TBL1XR1: variants seen among roughly 807,000 people sequenced by gnomAD.
The protein encoded by TBL1XR1 is F-box-like/WD repeat-containing protein TBL1XR1.
A neutral mutation model predicts 66.9 loss-of-function variants in TBL1XR1; 5 were observed. That is an observed-to-expected ratio of 0.07 (90% CI 0.04 to 0.16). TBL1XR1 has a LOEUF of 0.16. Ranked by LOEUF, TBL1XR1 falls within the 10% of genes least tolerant of loss-of-function variation. The pLI, the probability that TBL1XR1 is intolerant of heterozygous loss-of-function variation, is 1.00. For synonymous variants in TBL1XR1, 210 were observed against 206.0 expected, an observed-to-expected ratio of 1.02 and a Z score of -0.17; for missense variants, 238 against 623.2, an observed-to-expected ratio of 0.38 and a Z score of 6.58.
At chr3:177,131,118 G>A (rs1036529502) in intron 1 of TBL1XR1, among the ~76,000 whole-genome samples, 1 of 152,210 alleles carries the variant, frequency 6.6e-6, no homozygotes, top group African/African-American at 2.4e-5. Context: ...TCCATGTCAA[G>A]CACAATGGCA....
rs1716934005 is a variant in TBL1XR1 at position 177,050,624 on chromosome 3, C to A, written c.428-14G>T. The A allele has an allele frequency of 1.2e-6, 2 of 1,613,190 alleles. No homozygotes were observed. Among genetic ancestry groups the A allele is most frequent in the East Asian group, 4.5e-5 (2 of 44,840 alleles). On this transcript the variant is annotated splice_polypyrimidine_tract_variant and intron_variant, in intron 5 of 15. Transcript: ENST00000457928. ...CAGTATGATTATCTGCATCGTGAAA[C>A]ACAAGTAAGCATTTCCAGTTAGGCA... is the stretch of plus-strand genomic sequence containing the variant.
Position 177,032,991 on chromosome 3 carries a change from C to T in TBL1XR1, c.1396G>A (p.Val466Ile). Reference sequence around the variant, plus strand: ...CATACCTGCGTGTTCCAGATGTGTACACATTTGTCAAAAGAACCACTTGCC... The same window carrying T: ...CATACCTGCGTGTTCCAGATGTGTATACATTTGTCAAAAGAACCACTTGCC... ...YLASGSFDKC[V>I]HIWNTQTGAL... Residue 466 changes from valine (V) to isoleucine (I), a missense_variant, in exon 14 of 16, where the codon GTA becomes ATA. Around this residue, in one of 8 missense-constraint regions of TBL1XR1, gnomAD observed 26 missense variants for 35.1 expected, o/e 0.74. Transcript: ENST00000457928. 1 of 1,603,556 alleles carries T rather than the reference C, an allele frequency of 6.2e-7. No individual in the cohort carries two copies.
intron 1 of TBL1XR1, among the ~76,000 whole-genome samples, chr3:177,128,504 G>C (rs1036827254): frequency 6.6e-6 from 1 of 152,086 alleles, no homozygotes; most frequent in Non-Finnish European, 1.5e-5. Context: ...CCCCCAAGTA[G>C]CTAGGACAAC....
chr3:177,098,455 G>A lies in TBL1XR1; in HGVS notation c.-46+11C>T. 2.0e-6 allele frequency: 2 copies of A among 984,266 alleles called. No individual in the cohort carries two copies. The highest frequency in any genetic ancestry group is 2.4e-6 in the Non-Finnish European group (2 of 828,532). 61.0% of individuals were successfully genotyped at this position (984,266 alleles called of 1,614,324 possible). ...TAAGAAACACTGACATTGGGAGTTG[G>A]AGAGTCTTACCATTGGCAGTGCATT... is the stretch of plus-strand genomic sequence containing the variant. On this transcript the variant is annotated intron_variant, in intron 2 of 15. Transcript: ENST00000457928.
intron 2 of TBL1XR1, among the ~76,000 whole-genome samples, chr3:177,073,191 G>A (rs1460810332): frequency 1.3e-5 from 2 of 152,274 alleles, no homozygotes; most frequent in Non-Finnish European, 1.5e-5. Flanking sequence ...AATTAAGATT[G>A]TAACAAGATC....
chr3:177,104,562 TG>T (rs1401798517), intron 1 of TBL1XR1, among the ~76,000 whole-genome samples: 21 of 152,340 alleles, frequency 1.4e-4, no homozygotes, highest in Non-Finnish European at 2.5e-4. Context: ...TAAGTGACTC[TG>T]AGATCAGACT....
chr3:177,150,279 A>C (rs1046275743), intron 1 of TBL1XR1, among the ~76,000 whole-genome samples: 2 of 152,244 alleles, frequency 1.3e-5, no homozygotes, highest in African/African-American at 4.8e-5. Flanking sequence ...ATGGTATTCA[A>C]GAATACAACA....
intron 2 of TBL1XR1, among the ~76,000 whole-genome samples, chr3:177,069,749 AGAAAG>A (rs1193463208): frequency 6.8e-6 from 1 of 146,526 alleles, no homozygotes. Flanking sequence ...AAGAAAAGAA[AGAAAG>A]GAAAGGAAAG....
At position 177,020,159 on chromosome 3, in the gene TBL1XR1, A is replaced by T. The variant is rs1374551549; in HGVS notation, c.*5339T>A. On this transcript the variant is annotated 3_prime_UTR_variant, in exon 16 of 16. Transcript: ENST00000457928. ...ACTATAATTGGCTTGTTGTGAAGCAAAAAAAGGTCACCGAGAAGTTGAGCC... is the reference window on the plus strand; with the variant it reads ...ACTATAATTGGCTTGTTGTGAAGCATAAAAAGGTCACCGAGAAGTTGAGCC... 1 of 152,024 alleles carries T rather than the reference A, an allele frequency of 6.6e-6. No individual in the cohort carries two copies. The highest frequency in any genetic ancestry group is 1.5e-5 in the Non-Finnish European group (1 of 67,986). 9.4% of individuals were successfully genotyped at this position (152,024 alleles called of 1,614,324 possible).
Position 177,035,588 on chromosome 3 carries a change from AT to A in TBL1XR1, c.1123-1264del, listed in dbSNP as rs1419300503. Reference sequence around the variant, plus strand: ...GCCGCCACGCTCGGCTAAATTTGGTATATTTAGCAGAGATGGGGTTTCACCA... The same window carrying A: ...GCCGCCACGCTCGGCTAAATTTGGTAATTTAGCAGAGATGGGGTTTCACCA... On this transcript the variant is annotated intron_variant, in intron 12 of 15. Transcript: ENST00000457928. Among the ~76,000 whole-genome samples, 3 of 152,110 alleles carry A rather than the reference AT, an allele frequency of 2.0e-5. No individual in the cohort carries two copies. The East Asian group carries it at 5.8e-4, about 29-fold the overall frequency.
At chr3:177,130,939 T>C (rs1728219176) in intron 1 of TBL1XR1, among the ~76,000 whole-genome samples, 2 of 152,136 alleles carry the variant, frequency 1.3e-5, no homozygotes, top group Admixed American at 6.5e-5. Flanking sequence ...GTTAAGAGGA[T>C]TGTTTGAGAC....
At chr3:177,115,009 A>AATG (rs1297707657) in intron 1 of TBL1XR1, among the ~76,000 whole-genome samples, 9 of 151,330 alleles carry the variant, frequency 5.9e-5, no homozygotes, top group African/African-American at 1.2e-4. Context: ...TAATAATAAT[A>AATG]ATGATTTTTA....
At chr3:177,120,133 C>G (rs1337051476) in intron 1 of TBL1XR1, among the ~76,000 whole-genome samples, 4 of 152,162 alleles carry the variant, frequency 2.6e-5, no homozygotes, top group African/African-American at 9.7e-5. Context: ...CTTCTCATTA[C>G]TTTCCAACAT....
At chr3:177,143,774 GAT>G (rs1729908998) in intron 1 of TBL1XR1, among the ~76,000 whole-genome samples, 1 of 152,200 alleles carries the variant, frequency 6.6e-6, no homozygotes, top group Admixed American at 6.5e-5. Flanking sequence ...ATGGGTCTCT[GAT>G]AGTTCATTCA....
intron 3 of TBL1XR1, among the ~76,000 whole-genome samples, chr3:177,055,068 C>T (rs1717623091): frequency 6.6e-6 from 1 of 152,112 alleles, no homozygotes; most frequent in East Asian, 1.9e-4. Flanking sequence ...TATTAATAAA[C>T]ATTTATACTA....
intron 4 of TBL1XR1, among the ~76,000 whole-genome samples, chr3:177,053,097 G>A (rs756973777): frequency 4.6e-5 from 7 of 152,044 alleles, no homozygotes; most frequent in Non-Finnish European, 7.4e-5. Context: ...GCGAGATTCC[G>A]TCACACACAA....
chr3:177,184,407 T>C (rs1735172787), intron 1 of TBL1XR1, among the ~76,000 whole-genome samples: 1 of 152,158 alleles, frequency 6.6e-6, no homozygotes, highest in South Asian at 2.1e-4. Context: ...GGCAAAGCAA[T>C]ACCTTTGAAA....
At chr3:177,039,155 T>G (rs1715221584) in intron 10 of TBL1XR1, among the ~76,000 whole-genome samples, 1 of 152,104 alleles carries the variant, frequency 6.6e-6, no homozygotes, top group Non-Finnish European at 1.5e-5. Context: ...CAGACTTGGG[T>G]CCCATCCCCA....
At chr3:177,039,988 T>C (rs1044876413) in intron 10 of TBL1XR1, among the ~76,000 whole-genome samples, 3 of 152,154 alleles carry the variant, frequency 2.0e-5, no homozygotes, top group Non-Finnish European at 4.4e-5. Flanking sequence ...TAGTGAAAGT[T>C]TGTCAACCCT....
Sources: allele counts gnomAD v4.1 joint callset (sites outside exome capture counted in the v4.1 genomes callset), GRCh38; gene constraint gnomAD v4.1.1; regional missense constraint gnomAD v4.1.1; transcripts MANE v1.5; gene names NCBI Gene and HGNC (gene_info 2026-07-23, HGNC 2026-07-21).